The following NTM variants were observed in gnomAD, a reference collection of about 807,000 sequenced individuals.
NTM encodes IgLON family member 2.
In NTM, 13 loss-of-function variants were observed where a neutral mutation model predicts 42.1. That is an observed-to-expected ratio of 0.31 (90% CI 0.20 to 0.49). The LOEUF is 0.49. Among genes scored for constraint, NTM ranks in the 20% least tolerant of loss-of-function variants. The probability of loss-of-function intolerance (pLI) is 0.99; values close to 1 mark genes in which losing one functional copy is unlikely to be tolerated. For missense variants in NTM, 373 were observed against 452.8 expected (o/e 0.82, Z 1.60); for synonymous variants, 187 against 179.2 (o/e 1.04, Z -0.35).
intron 2 of NTM, among the ~76,000 whole-genome samples, chr11:131,953,784 TAA>T (rs761380547): frequency 1.3e-5 from 2 of 152,062 alleles, no homozygotes; most frequent in Non-Finnish European, 2.9e-5. Flanking sequence ...GTTGGCAAGC[TAA>T]AAAGAGTTTA....
chr11:131,624,918 T>A (rs1298096936), intron 1 of NTM, among the ~76,000 whole-genome samples: 1 of 152,202 alleles, frequency 6.6e-6, no homozygotes, highest in African/African-American at 2.4e-5. Flanking sequence ...TTTAGTTGGC[T>A]GCATTCATAT....
intron 6 of NTM, among the ~76,000 whole-genome samples, chr11:132,310,693 G>A (rs745700408): frequency 1.3e-5 from 2 of 152,146 alleles, no homozygotes; most frequent in Non-Finnish European, 2.9e-5. Context: ...CAGTAGCGGT[G>A]TATAAGAGTC....
chr11:131,513,602 G>A (rs1380087320), intron 1 of NTM, among the ~76,000 whole-genome samples: 2 of 152,194 alleles, frequency 1.3e-5, no homozygotes, highest in African/African-American at 2.4e-5. Flanking sequence ...AAGACAGAAT[G>A]AAAAGACTGA....
intron 4 of NTM, among the ~76,000 whole-genome samples, chr11:132,264,148 T>A (rs2093036453): frequency 6.6e-6 from 1 of 152,048 alleles, no homozygotes; most frequent in Admixed American, 6.5e-5. Context: ...TTCCCACCCT[T>A]TGGCCCATAA....
In NTM at chr11:131,886,927, A is replaced by C. The variant is rs573789659; in HGVS notation, c.83-24637A>C. ...TAGGCACTGTTCTGTGCATTGTCTC[A>C]TTTAATCCTCATAGTAGCTCCGCAA... On this transcript the variant is annotated intron_variant, in intron 1 of 8. Coordinates refer to ENST00000683400, the MANE Select transcript of NTM (RefSeq NM_001352005.2). Among the ~76,000 whole-genome samples the C allele has an allele frequency of 2.0e-5, 3 of 152,322 alleles. No individual in the cohort carries two copies. In the South Asian group the frequency reaches 6.2e-4, roughly 32 times the overall value.
chr11:132,289,430 T>A (rs2094376221), intron 4 of NTM, among the ~76,000 whole-genome samples: 1 of 152,216 alleles, frequency 6.6e-6, no homozygotes, highest in African/African-American at 2.4e-5. Flanking sequence ...TGGGACTTTA[T>A]ACATTGCTAT....
intron 2 of NTM, among the ~76,000 whole-genome samples, chr11:132,125,726 A>G (rs1016484398): frequency 8.3e-3 from 2 of 240 alleles, no homozygotes; most frequent in Non-Finnish European, 0.013. Context: ...GTGGTGTGTG[A>G]TGTGTGTGTG....
chr11:131,504,077 G>T (rs1304700002), intron 1 of NTM, among the ~76,000 whole-genome samples: 1 of 152,156 alleles, frequency 6.6e-6, no homozygotes, highest in Non-Finnish European at 1.5e-5. Flanking sequence ...TCTGAGGACT[G>T]CTCATCCAGG....
intron 2 of NTM, among the ~76,000 whole-genome samples, chr11:131,995,974 T>C (rs1332092077): frequency 1.3e-5 from 2 of 152,140 alleles, no homozygotes; most frequent in African/African-American, 2.4e-5. Context: ...CTGGGAGGCC[T>C]GAGGGTCAGT....
intron 1 of NTM, among the ~76,000 whole-genome samples, chr11:131,398,472 T>C (rs1423071191): frequency 6.6e-6 from 1 of 152,210 alleles, no homozygotes; most frequent in Non-Finnish European, 1.5e-5. Flanking sequence ...CATTTATATC[T>C]CATTTTTTTC....
chr11:131,898,398 A>G (rs1487471352), intron 1 of NTM, among the ~76,000 whole-genome samples: 3 of 152,174 alleles, frequency 2.0e-5, no homozygotes, highest in Non-Finnish European at 1.5e-5. Context: ...TCTCCCATTT[A>G]TCATTGAATG....
At chr11:132,283,091 A>T (rs2094064722) in intron 4 of NTM, among the ~76,000 whole-genome samples, 1 of 147,886 alleles carries the variant, frequency 6.8e-6, no homozygotes, top group African/African-American at 2.5e-5. Flanking sequence ...GGTTCAAGCG[A>T]TTCTCCTGCC....
intron 1 of NTM, among the ~76,000 whole-genome samples, chr11:131,401,818 A>ATATATATATATATATATATGTG (rs1945205472): frequency 9.3e-5 from 4 of 43,004 alleles, no homozygotes; most frequent in East Asian, 6.4e-4. Flanking sequence ...ATATATATAT[A>ATATATATATATATATATATGTG]TATATATATA....
chr11:132,269,175 A>G (rs970920154), intron 4 of NTM, among the ~76,000 whole-genome samples: 15 of 152,188 alleles, frequency 9.9e-5, no homozygotes, highest in African/African-American at 3.6e-4. Flanking sequence ...GAGGACATAC[A>G]ATAGAACAAG....
chr11:131,921,134 TC>T (rs2057161001), intron 2 of NTM, among the ~76,000 whole-genome samples: 1 of 152,138 alleles, frequency 6.6e-6, no homozygotes, highest in Admixed American at 6.5e-5. Context: ...TTTTGTCCCA[TC>T]TCCCCACCAT....
At chr11:132,207,695 T>G (rs2082201697) in intron 3 of NTM, among the ~76,000 whole-genome samples, 2 of 152,184 alleles carry the variant, frequency 1.3e-5, no homozygotes, top group African/African-American at 2.4e-5. Context: ...ACAAAATGTC[T>G]TACTGATAGT....
At chr11:131,721,996 CAAAAA>C (rs71475771) in intron 1 of NTM, among the ~76,000 whole-genome samples, 113 of 10,258 alleles carry the variant, frequency 0.011, no homozygotes, top group Middle Eastern at 0.14. Context: ...AACTCTGTCT[CAAAAA>C]AAAAAAAAAA....
chr11:131,525,543 T>A (rs1428242803), intron 1 of NTM, among the ~76,000 whole-genome samples: 2 of 152,202 alleles, frequency 1.3e-5, no homozygotes, highest in Admixed American at 6.5e-5. Flanking sequence ...GCCTAGCTAA[T>A]GGACTGGGCA....
intron 7 of NTM, chr11:132,317,606 A>G (rs1222380755): frequency 5.4e-6 from 6 of 1,118,756 alleles, no homozygotes; most frequent in Non-Finnish European, 7.3e-6. Context: ...TATATAATAT[A>G]TGTGTTTGTT....
Sources: gnomAD v4.1 joint callset for allele counts (sites outside exome capture counted in the v4.1 genomes callset) on GRCh38, gnomAD v4.1.1 for gene constraint, MANE v1.5 for transcripts, NCBI Gene and HGNC (gene_info 2026-07-23, HGNC 2026-07-21) for gene names.